KDM4C: variants seen among roughly 807,000 people sequenced by gnomAD.
The protein encoded by KDM4C is lysine-specific demethylase 4C.
A neutral mutation model predicts 129.3 loss-of-function variants in KDM4C; 81 were observed. The ratio of observed to expected loss-of-function variants is 0.63; its 90% CI spans 0.52 to 0.75. The LOEUF is 0.75. KDM4C is among the 30% of genes least tolerant of loss of function. KDM4C has a pLI of 0.00. For missense variants in KDM4C, 1,457 were observed against 1,304.0 expected, an observed-to-expected ratio of 1.12 and a Z score of -1.81; for synonymous variants, 573 against 456.1, an observed-to-expected ratio of 1.26 and a Z score of -3.26.
intron 8 of KDM4C, among the ~76,000 whole-genome samples, chr9:6,935,768 C>G (rs1358604637): frequency 6.6e-6 from 1 of 151,964 alleles, no homozygotes; most frequent in Non-Finnish European, 1.5e-5. Context: ...TAATGTATGT[C>G]TTTGTAGTTT....
At chr9:6,811,966 G>C (rs895866855) in intron 3 of KDM4C, among the ~76,000 whole-genome samples, 1 of 152,180 alleles carries the variant, frequency 6.6e-6, no homozygotes, top group African/African-American at 2.4e-5. Flanking sequence ...ACTCTGATCA[G>C]TTACTAGCCA....
At chr9:6,884,233 G>A (rs575658548) in intron 6 of KDM4C, among the ~76,000 whole-genome samples, 2 of 152,220 alleles carry the variant, frequency 1.3e-5, no homozygotes, top group African/African-American at 2.4e-5. Flanking sequence ...TAACCACTCC[G>A]TGAACGTTAG....
chr9:7,129,971 T>G (rs1840440498), intron 19 of KDM4C, among the ~76,000 whole-genome samples: 1 of 152,190 alleles, frequency 6.6e-6, no homozygotes, highest in African/African-American at 2.4e-5. Context: ...GTAATCCGTC[T>G]CTAGAACTTC....
intron 18 of KDM4C, among the ~76,000 whole-genome samples, chr9:7,125,923 C>G (rs1839983995): frequency 6.6e-6 from 1 of 152,204 alleles, no homozygotes; most frequent in Admixed American, 6.5e-5. Context: ...TGAGAGCAGA[C>G]TTTGGCATTA....
Position 6,887,974 on chromosome 9 carries a change from A to C in KDM4C, c.694A>C (p.Ser232Arg), listed in dbSNP as rs780638698. Residue 232 changes from serine to arginine, a missense_variant, in exon 7 of 22, where the codon AGC becomes CGC. Coordinates refer to ENST00000381309, the MANE Select transcript of KDM4C (RefSeq NM_015061.6). Reference protein sequence around the residue: ...ERLAQGFFPSSSQGCDAFLRH... With the variant: ...ERLAQGFFPSRSQGCDAFLRH... The stretch of plus-strand genomic sequence containing the variant: ...TTTCTTTTTAGGTTTTTTCCCAAGC[A>C]GCTCCCAAGGGTGTGATGCATTTCT... 6.2e-7 allele frequency: 1 copy of C among 1,609,492 alleles called. No individual in the cohort carries two copies. Among genetic ancestry groups the C allele is most frequent in the Non-Finnish European group, 8.5e-7 (1 of 1,175,940 alleles).
At chr9:6,743,973 C>A (rs372757618) in intron 1 of KDM4C, among the ~76,000 whole-genome samples, 60 of 151,638 alleles carry the variant, frequency 4.0e-4, no homozygotes, top group African/African-American at 1.2e-3. Context: ...TTCTCAAACT[C>A]CTGGGCTCAA....
intron 17 of KDM4C, among the ~76,000 whole-genome samples, chr9:7,063,586 G>C (rs998619194): frequency 6.6e-6 from 1 of 152,150 alleles, no homozygotes; most frequent in African/African-American, 2.4e-5. Context: ...TTGCTTTCTG[G>C]TCTTAACGAT....
At chr9:7,074,821 A>G (rs10758822) in intron 17 of KDM4C, among the ~76,000 whole-genome samples, 89,505 of 152,006 alleles carry the variant, frequency 0.59, 27,195 homozygotes, top group South Asian at 0.68. Context: ...CCCATCCAGC[A>G]TGGACATGCT....
At chr9:7,171,066 T>C (rs1844913178) in intron 21 of KDM4C, 1 of 152,244 alleles carries the variant, frequency 6.6e-6, no homozygotes. Flanking sequence ...TTCAGTTGTG[T>C]ATGCAGCTTT....
At chr9:6,861,386 A>G (rs929261963) in intron 5 of KDM4C, among the ~76,000 whole-genome samples, 1 of 152,226 alleles carries the variant, frequency 6.6e-6, no homozygotes, top group Admixed American at 6.5e-5. Context: ...TTAATCTAAC[A>G]TACTTTTAGC....
intron 8 of KDM4C, among the ~76,000 whole-genome samples, chr9:6,922,714 T>G (rs1005836509): frequency 6.6e-6 from 1 of 152,256 alleles, no homozygotes; most frequent in African/African-American, 2.4e-5. Flanking sequence ...ACCACTGTAC[T>G]CCAGCCTGGG....
intron 17 of KDM4C, among the ~76,000 whole-genome samples, chr9:7,103,111 T>A (rs2133147922): frequency 6.6e-6 from 1 of 152,334 alleles, no homozygotes; most frequent in African/African-American, 2.4e-5. Flanking sequence ...GCATATTTTT[T>A]TTGTCAGTCA....
chr9:6,858,060 C>G (rs762335982), intron 5 of KDM4C, among the ~76,000 whole-genome samples: 1 of 151,546 alleles, frequency 6.6e-6, no homozygotes, highest in African/African-American at 2.4e-5. Context: ...AGCTCAAGCA[C>G]TCTTCCTGCC....
Position 7,035,457 on chromosome 9 carries a change from A to T in KDM4C, c.2260-11405A>T, listed in dbSNP as rs533254393. Among the ~76,000 whole-genome samples the T allele has an allele frequency of 3.4e-5, 5 of 145,942 alleles. No homozygotes were observed. In the Admixed American group the frequency reaches 3.4e-4, roughly 10 times the overall value. On this transcript the variant is annotated intron_variant, in intron 15 of 21. Coordinates refer to ENST00000381309, the MANE Select transcript of KDM4C (RefSeq NM_015061.6). ...CTGTAGTTCTTCTTTTCACTCTATT[A>T]TTTCCTTTGCTGTGCAGAAGCTTTT...
intron 15 of KDM4C, among the ~76,000 whole-genome samples, chr9:7,018,491 A>G (rs1824088284): frequency 6.8e-6 from 1 of 146,762 alleles, no homozygotes; most frequent in Non-Finnish European, 1.5e-5. Flanking sequence ...TCCTATTCCT[A>G]GTATATGAGC....
At chr9:6,731,325 CTT>C (rs34724329) in intron 1 of KDM4C, among the ~76,000 whole-genome samples, 11 of 114,022 alleles carry the variant, frequency 9.6e-5, no homozygotes, top group Admixed American at 8.9e-4. Context: ...TTTTTTTTTG[CTT>C]TTTTTTTTTT....
intron 15 of KDM4C, among the ~76,000 whole-genome samples, chr9:7,026,998 G>A (rs926729164): frequency 2.0e-5 from 3 of 151,900 alleles, no homozygotes; most frequent in Non-Finnish European, 4.4e-5. Flanking sequence ...CCTTCCTTGT[G>A]GTATGTTGAA....
At chr9:6,891,609 T>C (rs767488593) in intron 7 of KDM4C, among the ~76,000 whole-genome samples, 1 of 152,156 alleles carries the variant, frequency 6.6e-6, no homozygotes, top group African/African-American at 2.4e-5. Flanking sequence ...CTTTGTGATA[T>C]ACTAAAAACC....
chr9:7,029,490 A>G (rs948703285), intron 15 of KDM4C, among the ~76,000 whole-genome samples: 2 of 151,992 alleles, frequency 1.3e-5, no homozygotes, highest in East Asian at 1.9e-4. Flanking sequence ...TCTGTAGAGT[A>G]TTACAAGGTA....
Sources: allele counts gnomAD v4.1 joint callset (sites outside exome capture counted in the v4.1 genomes callset), GRCh38; gene constraint gnomAD v4.1.1; transcripts MANE v1.5; gene names NCBI Gene and HGNC (gene_info 2026-07-23, HGNC 2026-07-21).